RBFOX3: variants seen among roughly 807,000 people sequenced by gnomAD.
RBFOX3 encodes RNA binding protein fox-1 homolog 3.
RBFOX3 carries 17 observed loss-of-function variants against 48.7 expected under a neutral mutation model. The observed-to-expected ratio is 0.35, with a 90% CI of 0.24 to 0.52. The LOEUF is 0.52. RBFOX3 is among the 20% of genes least tolerant of loss of function. RBFOX3 has a pLI of 0.94. For synonymous variants in RBFOX3, 212 were observed against 209.5 expected (o/e 1.01, Z -0.10); for missense variants, 382 against 497.5 (o/e 0.77, Z 2.21).
Position 79,239,231 on chromosome 17 carries a change from C to T in RBFOX3, c.-73-3426G>A, listed in dbSNP as rs564442503. On this transcript the variant is annotated intron_variant, in intron 3 of 14. Transcript: ENST00000693108. ...TGCCCCACCTACCCAATCCTGGGGG[C>T]GGGGGAAGGAGAGAGGCCCCCCAGG... Among the ~76,000 whole-genome samples the T allele has an allele frequency of 1.3e-3, 193 of 152,220 alleles. 1 individual carries two copies. Among genetic ancestry groups the T allele is most frequent in the African/African-American group, 4.5e-3 (186 of 41,544 alleles).
chr17:79,264,090 G>C (rs2066260598), intron 3 of RBFOX3, among the ~76,000 whole-genome samples: 1 of 142,740 alleles, frequency 7.0e-6, no homozygotes, highest in African/African-American at 2.6e-5. Flanking sequence ...AGCCCTGTTG[G>C]CATCTTTTTT....
intron 5 of RBFOX3, among the ~76,000 whole-genome samples, chr17:79,108,274 C>T (rs1301386464): frequency 6.6e-6 from 1 of 152,216 alleles, no homozygotes; most frequent in Non-Finnish European, 1.5e-5. Flanking sequence ...CCTTAGAGGC[C>T]TACACGGCAG....
the RBFOX3 span, among the ~76,000 whole-genome samples, chr17:79,657,389 A>G: frequency 6.6e-6 from 1 of 152,246 alleles, no homozygotes; most frequent in Non-Finnish European, 1.5e-5. Flanking sequence ...CATAAAGAAC[A>G]GAGCTGGAGC....
At chr17:79,542,972 G>A (rs1481296468) in intron 1 of RBFOX3, among the ~76,000 whole-genome samples, 20 of 151,968 alleles carry the variant, frequency 1.3e-4, no homozygotes, top group Admixed American at 1.1e-3. Flanking sequence ...CTCTACACAC[G>A]TCAACTGCCC....
At chr17:79,166,382 C>T (rs568565038) in intron 4 of RBFOX3, among the ~76,000 whole-genome samples, 64 of 152,320 alleles carry the variant, frequency 4.2e-4, no homozygotes, top group Non-Finnish European at 7.9e-4. Context: ...GCAGCCGAGA[C>T]TGAGCCATGC....
chr17:79,642,738 C>A, the RBFOX3 span, among the ~76,000 whole-genome samples: 2 of 152,026 alleles, frequency 1.3e-5, no homozygotes, highest in Non-Finnish European at 2.9e-5. Context: ...GAAGGAGGTA[C>A]AAATGCACGA....
At chr17:79,665,086 T>G in the RBFOX3 span, among the ~76,000 whole-genome samples, 2 of 152,160 alleles carry the variant, frequency 1.3e-5, no homozygotes, top group Non-Finnish European at 2.9e-5. Context: ...GATTCAGATA[T>G]TTGAGTCTTC....
At chr17:79,550,139 T>C (rs1555793172) in intron 1 of RBFOX3, among the ~76,000 whole-genome samples, 1 of 151,800 alleles carries the variant, frequency 6.6e-6, no homozygotes, top group East Asian at 1.9e-4. Context: ...TGAACACAAA[T>C]AGGAGAGGTC....
intron 2 of RBFOX3, among the ~76,000 whole-genome samples, chr17:79,323,558 C>G (rs1395157496): frequency 2.0e-5 from 3 of 152,236 alleles, no homozygotes; most frequent in Non-Finnish European, 4.4e-5. Context: ...CAGCTGAGGC[C>G]ACCAACAGAT....
chr17:79,509,807 G>T (rs2083835129), intron 1 of RBFOX3, among the ~76,000 whole-genome samples: 1 of 152,104 alleles, frequency 6.6e-6, no homozygotes, highest in African/African-American at 2.4e-5. Context: ...CCAGGGCCTT[G>T]CCCTGTGCTT....
chr17:79,506,008 C>G (rs1346751612), intron 1 of RBFOX3, among the ~76,000 whole-genome samples: 2 of 152,226 alleles, frequency 1.3e-5, no homozygotes, highest in African/African-American at 2.4e-5. Context: ...ACGCCTCCCC[C>G]TTCCCTTACT....
chr17:79,536,091 C>T (rs1038584146), intron 1 of RBFOX3, among the ~76,000 whole-genome samples: 16 of 152,142 alleles, frequency 1.1e-4, no homozygotes, highest in East Asian at 3.9e-4. Context: ...CCAGGCAGTT[C>T]GGCCCCAGAC....
At position 79,264,628 on chromosome 17, in the gene RBFOX3, C is replaced by T. The variant is rs1234193059; in HGVS notation, c.-73-28823G>A. 3.9e-5 allele frequency among the ~76,000 whole-genome samples: 6 copies of T among 152,204 alleles called. No homozygotes were observed. In the East Asian group the frequency reaches 1.2e-3, roughly 29 times the overall value. On this transcript the variant is annotated intron_variant, in intron 3 of 14. Transcript: ENST00000693108. ...GCCCCAGGAGACTCATCCACGTGCT[C>T]TGGTCTGGAGTTTAATTCTAGCAAG...
intron 4 of RBFOX3, among the ~76,000 whole-genome samples, chr17:79,123,402 CT>C (rs2036291042): frequency 6.6e-6 from 1 of 152,030 alleles, no homozygotes; most frequent in Non-Finnish European, 1.5e-5. Flanking sequence ...TCCCCACCCC[CT>C]CTACCCCCAG....
intron 4 of RBFOX3, among the ~76,000 whole-genome samples, chr17:79,226,406 T>C (rs1214010901): frequency 6.6e-6 from 1 of 152,198 alleles, no homozygotes; most frequent in Non-Finnish European, 1.5e-5. Context: ...CTCATGACCA[T>C]CTTTGCTCAG....
Position 79,249,039 on chromosome 17 carries a change from G to A in RBFOX3, c.-73-13234C>T, listed in dbSNP as rs181278026. ...GGATGCGGTGCGGTCTTCCGCCAGC[G>A]GGGCCAGAACCCAGAGCGAGGCTGC... On this transcript the variant is annotated intron_variant, in intron 3 of 14. Transcript: ENST00000693108. The surrounding 1 kb of genome is among the most constrained non-coding windows in gnomAD (Gnocchi z 4.1). Among the ~76,000 whole-genome samples the A allele has an allele frequency of 2.0e-5, 3 of 152,186 alleles. No homozygotes were observed. Among genetic ancestry groups the A allele is most frequent in the East Asian group, 3.9e-4 (2 of 5,188 alleles).
chr17:79,195,029 G>T lies in RBFOX3; in HGVS notation c.-34+40737C>A, dbSNP rs916205882. Among the ~76,000 whole-genome samples, 4 of 151,922 alleles carry T rather than the reference G, an allele frequency of 2.6e-5. No individual in the cohort carries two copies. The highest frequency in any genetic ancestry group is 4.4e-5 in the Non-Finnish European group (3 of 67,988). On this transcript the variant is annotated intron_variant, in intron 4 of 14. Transcript: ENST00000693108. This position sits in a 1 kb window ranked among gnomAD's most constrained non-coding sequence, Gnocchi z 5.3. ...CTAGAACATGGGCAGATGTCTTTCCGCTCAGCCCCACCGACATCAGCTCAC... is the reference window on the plus strand; with the variant it reads ...CTAGAACATGGGCAGATGTCTTTCCTCTCAGCCCCACCGACATCAGCTCAC...
At chr17:79,601,923 G>C (rs1472635226) in intron 1 of RBFOX3, 1 of 152,180 alleles carries the variant, frequency 6.6e-6, no homozygotes, top group Non-Finnish European at 1.5e-5. Context: ...GCTGGTTATG[G>C]CAATGCTGCC....
At chr17:79,618,951 G>A in the RBFOX3 span, among the ~76,000 whole-genome samples, 4 of 152,156 alleles carry the variant, frequency 2.6e-5, no homozygotes, top group Non-Finnish European at 5.9e-5. Flanking sequence ...TCGCCCAGTC[G>A]GGGTTTCTGC....
Sources: gnomAD v4.1 joint callset for allele counts (sites outside exome capture counted in the v4.1 genomes callset) on GRCh38, gnomAD v4.1.1 for gene constraint, Gnocchi (gnomAD v3.1) non-coding constraint, MANE v1.5 for transcripts, NCBI Gene and HGNC (gene_info 2026-07-23, HGNC 2026-07-21) for gene names.